Variants in TP73 observed in about 807,000 individuals in gnomAD.
TP73 encodes tumor protein p73, also known as p53-like transcription factor.
Under a neutral mutation model 62.5 loss-of-function variants are expected in TP73, and 25 were observed. The observed-to-expected ratio is 0.40, with a 90% CI of 0.29 to 0.56. TP73 has a LOEUF of 0.56. Ranked by LOEUF, TP73 falls within the 20% of genes least tolerant of loss-of-function variation. The probability of loss-of-function intolerance (pLI) is 0.46; values close to 1 mark genes in which losing one functional copy is unlikely to be tolerated. For synonymous variants in TP73, 423 were observed against 377.5 expected (o/e 1.12, Z -1.40); for missense variants, 754 against 913.3 (o/e 0.83, Z 2.25).
Position 3,696,321 on chromosome 1 carries a change from G to A in TP73, c.187-11228G>A, listed in dbSNP as rs1297130188. 1.3e-5 allele frequency among the ~76,000 whole-genome samples: 2 copies of A among 152,120 alleles called. No individual in the cohort carries two copies. The highest frequency in any genetic ancestry group is 2.4e-5 in the African/African-American group (1 of 41,418). The stretch of plus-strand genomic sequence containing the variant: ...TCTGCTGCTCCCCAAGGCAGGAAAG[G>A]CCGGCAGGGTCTGGATGTGAGGTGG... On this transcript the variant is annotated intron_variant, in intron 3 of 13. Coordinates refer to ENST00000378295, the MANE Select transcript of TP73 (RefSeq NM_005427.4). This position sits in a 1 kb window ranked among gnomAD's most constrained non-coding sequence, Gnocchi z 4.1.
intron 6 of TP73, among the ~76,000 whole-genome samples, chr1:3,723,788 C>T (rs1324481597): frequency 6.6e-6 from 1 of 152,248 alleles, no homozygotes; most frequent in Admixed American, 6.5e-5. Flanking sequence ...CTGGTTCCGG[C>T]CTGGGGCTCC....
intron 1 of TP73, among the ~76,000 whole-genome samples, chr1:3,661,847 T>C (rs1250157649): frequency 6.8e-6 from 1 of 147,836 alleles, no homozygotes; most frequent in African/African-American, 2.5e-5. Flanking sequence ...ATATAATATA[T>C]GTATTATATA....
chr1:3,668,942 T>A (rs1280790069), intron 1 of TP73, among the ~76,000 whole-genome samples: 3 of 152,148 alleles, frequency 2.0e-5, no homozygotes, highest in Non-Finnish European at 4.4e-5. Context: ...AGGCGGCAGG[T>A]GCTGGCTCCA....
chr1:3,674,535 C>T (rs1273953873), intron 1 of TP73, among the ~76,000 whole-genome samples: 2 of 152,234 alleles, frequency 1.3e-5, no homozygotes, highest in Non-Finnish European at 2.9e-5. Context: ...GACCTGCTGA[C>T]GAAGCCGTCC....
In TP73 at chr1:3,689,787, G is replaced by A. The variant is rs139963214; in HGVS notation, c.186+6607G>A. Among the ~76,000 whole-genome samples the A allele has an allele frequency of 1.8e-3, 274 of 152,262 alleles. 1 individual carries two copies. The highest frequency in any genetic ancestry group is 0.017 in the Middle Eastern group (5 of 294). On this transcript the variant is annotated intron_variant, in intron 3 of 13. Transcript: ENST00000378295. Reference sequence around the variant, plus strand: ...CATGGATTTCTCAGCCCTCGTGAGAGCCACGGCGCCCTGGGGACTGGAAGT... The same window carrying A: ...CATGGATTTCTCAGCCCTCGTGAGAACCACGGCGCCCTGGGGACTGGAAGT...
At chr1:3,698,399 G>C (rs992406332) in intron 3 of TP73, among the ~76,000 whole-genome samples, 1 of 152,232 alleles carries the variant, frequency 6.6e-6, no homozygotes, top group South Asian at 2.1e-4. Flanking sequence ...GCCTCTCATA[G>C]GCAGCAGCAC....
chr1:3,655,638 T>C (rs1644849706), intron 1 of TP73, among the ~76,000 whole-genome samples: 1 of 152,264 alleles, frequency 6.6e-6, no homozygotes, highest in African/African-American at 2.4e-5. Flanking sequence ...GTTTTCTAAA[T>C]GTAATGTTTT....
intron 1 of TP73, among the ~76,000 whole-genome samples, chr1:3,656,991 C>T (rs1008353943): frequency 2.6e-5 from 4 of 152,320 alleles, no homozygotes; most frequent in South Asian, 2.1e-4. Flanking sequence ...CTTGTCGCTC[C>T]GTTGCAATTA....
intron 3 of TP73, among the ~76,000 whole-genome samples, chr1:3,702,421 G>A (rs1445660196): frequency 2.0e-5 from 3 of 152,104 alleles, no homozygotes; most frequent in Non-Finnish European, 4.4e-5. Context: ...CCTGTGACTG[G>A]CCCAGGCGAG....
At chr1:3,703,375 G>A (rs536366589) in intron 3 of TP73, among the ~76,000 whole-genome samples, 2 of 152,154 alleles carry the variant, frequency 1.3e-5, no homozygotes, top group Non-Finnish European at 2.9e-5. Flanking sequence ...CGACATCGGG[G>A]CCCTGCCTGA....
intron 4 of TP73, 180 bp downstream of exon 4, chr1:3,707,971 G>T (rs1639817824): frequency 3.0e-6 from 3 of 1,000,980 alleles, no homozygotes; most frequent in African/African-American, 3.2e-5. Flanking sequence ...GGCAGTCTGG[G>T]TGTGCCCACC....
chr1:3,654,114 C>A (rs1486213327), intron 1 of TP73, among the ~76,000 whole-genome samples: 1 of 152,202 alleles, frequency 6.6e-6, no homozygotes, highest in African/African-American at 2.4e-5. Context: ...GGAGAGGTTG[C>A]AGCGAGCTGA....
intron 3 of TP73, among the ~76,000 whole-genome samples, chr1:3,702,772 C>T (rs1639285466): frequency 6.6e-6 from 1 of 152,246 alleles, no homozygotes; most frequent in Non-Finnish European, 1.5e-5. Context: ...GTGGCCGCCG[C>T]GGGCCGGGCG....
rs3765753 is a variant in TP73, at chr1:3,705,742, T to A, written c.187-1807T>A. ...GGGCTGAGCTGCCTCCACGTTGGACTGCACTCAGTGGAGGACTCAGTAGAG... is the reference window on the plus strand; with the variant it reads ...GGGCTGAGCTGCCTCCACGTTGGACAGCACTCAGTGGAGGACTCAGTAGAG... On this transcript the variant is annotated intron_variant, in intron 3 of 13. Transcript: ENST00000378295. 4.5e-4 allele frequency among the ~76,000 whole-genome samples: 69 copies of A among 152,120 alleles called. 1 individual carries two copies. The highest frequency in any genetic ancestry group is 4.1e-3 in the Admixed American group (63 of 15,300).
intron 3 of TP73, among the ~76,000 whole-genome samples, chr1:3,694,786 G>C (rs865943575): frequency 1.7e-5 from 2 of 120,692 alleles, no homozygotes; most frequent in South Asian, 2.9e-4. Context: ...TGCAATCCCA[G>C]CCATGCAGCC....
At chr1:3,730,171 G>A in intron 11 of TP73, 23 bp downstream of exon 11, 3 of 1,512,106 alleles carry the variant, frequency 2.0e-6, no homozygotes, top group Non-Finnish European at 2.7e-6. Context: ...GGCAGTGCGG[G>A]CCCACGGGCA....
At chr1:3,675,520 C>T (rs1324500120) in intron 1 of TP73, among the ~76,000 whole-genome samples, 1 of 152,128 alleles carries the variant, frequency 6.6e-6, no homozygotes, top group African/African-American at 2.4e-5. Context: ...TGGAGGAGGA[C>T]ACCCTGCACC....
intron 4 of TP73, among the ~76,000 whole-genome samples, chr1:3,721,774 C>T (rs1048027023): frequency 6.6e-6 from 1 of 152,184 alleles, no homozygotes; most frequent in Non-Finnish European, 1.5e-5. Context: ...GCACTCACAC[C>T]CCTGCTGTCA....
chr1:3,700,035 G>A (rs906743395), intron 3 of TP73, among the ~76,000 whole-genome samples: 1 of 151,932 alleles, frequency 6.6e-6, no homozygotes, highest in Non-Finnish European at 1.5e-5. Flanking sequence ...CAAGGATGGG[G>A]TCCCTCGGGA....
Sources: allele counts gnomAD v4.1 joint callset (sites outside exome capture counted in the v4.1 genomes callset), GRCh38; gene constraint gnomAD v4.1.1; non-coding constraint Gnocchi (gnomAD v3.1); transcripts MANE v1.5; gene names NCBI Gene and HGNC (gene_info 2026-07-23, HGNC 2026-07-21).